Variants in GALNTL6 observed in about 807,000 individuals in gnomAD.
GALNTL6 encodes polypeptide N-acetylgalactosaminyltransferase like 6.
GALNTL6 carries 46 observed loss-of-function variants against 73.7 expected under a neutral mutation model. That is an observed-to-expected ratio of 0.62 (90% CI 0.49 to 0.80). The LOEUF (loss-of-function observed/expected upper bound fraction) is 0.80, where lower values mean the gene tolerates loss of function less well. Ranked by LOEUF, GALNTL6 falls within the 30% of genes least tolerant of loss-of-function variation. GALNTL6 has a pLI of 0.00. For missense variants in GALNTL6, 604 were observed against 755.0 expected, an observed-to-expected ratio of 0.80 and a Z score of 2.34; for synonymous variants, 259 against 263.7, an observed-to-expected ratio of 0.98 and a Z score of 0.17.
At chr4:172,202,564 T>A (rs1735988522) in intron 2 of GALNTL6, among the ~76,000 whole-genome samples, 1 of 152,016 alleles carries the variant, frequency 6.6e-6, no homozygotes, top group Admixed American at 6.6e-5. Flanking sequence ...TTATATTGGG[T>A]AGAAAGATTA....
chr4:172,857,445 C>T (rs1012974486), intron 7 of GALNTL6, among the ~76,000 whole-genome samples: 9 of 152,072 alleles, frequency 5.9e-5, no homozygotes, highest in African/African-American at 2.2e-4. Flanking sequence ...TTGGAAAGAT[C>T]CTGGAAAAAA....
chr4:172,386,175 A>G (rs1450608169), intron 5 of GALNTL6, among the ~76,000 whole-genome samples: 1 of 152,186 alleles, frequency 6.6e-6, no homozygotes, highest in Admixed American at 6.5e-5. Context: ...ATTTACAAAA[A>G]TACATTAATA....
intron 11 of GALNTL6, among the ~76,000 whole-genome samples, chr4:173,013,265 A>C (rs1287178561): frequency 6.6e-6 from 1 of 152,148 alleles, no homozygotes; most frequent in African/African-American, 2.4e-5. Context: ...AGTGGAAAAG[A>C]ACTTTTTTAA....
intron 3 of GALNTL6, among the ~76,000 whole-genome samples, chr4:172,246,020 A>G (rs1040351698): frequency 6.6e-6 from 1 of 152,206 alleles, no homozygotes; most frequent in Non-Finnish European, 1.5e-5. Flanking sequence ...CTGAGATCAT[A>G]CTAATTTAAA....
At chr4:172,195,806 T>G (rs1408070375) in intron 2 of GALNTL6, among the ~76,000 whole-genome samples, 1 of 152,120 alleles carries the variant, frequency 6.6e-6, no homozygotes, top group African/African-American at 2.4e-5. Flanking sequence ...GAGGAAAATT[T>G]ATAGCACTAA....
chr4:172,849,707 A>G (rs1365586539), intron 7 of GALNTL6, among the ~76,000 whole-genome samples: 2 of 152,176 alleles, frequency 1.3e-5, no homozygotes, highest in Admixed American at 6.5e-5. Flanking sequence ...TTAAGTTTTT[A>G]TGTAATAAAA....
chr4:172,302,235 G>A (rs113643107), intron 3 of GALNTL6, among the ~76,000 whole-genome samples: 61,087 of 151,954 alleles, frequency 0.4, 14,823 homozygotes, highest in South Asian at 0.62. Flanking sequence ...GTATTAGGGT[G>A]GGAGTGACCC....
At chr4:172,485,921 C>T (rs337990) in intron 5 of GALNTL6, among the ~76,000 whole-genome samples, 16,576 of 152,162 alleles carry the variant, frequency 0.11, 986 homozygotes, top group East Asian at 0.23. Flanking sequence ...TTTGCACCAA[C>T]GGGACAATTT....
intron 2 of GALNTL6, among the ~76,000 whole-genome samples, chr4:171,918,107 C>T (rs935327533): frequency 2.0e-5 from 3 of 152,044 alleles, no homozygotes; most frequent in East Asian, 3.9e-4. Flanking sequence ...TGCATATCTT[C>T]GTTTTGTTGT....
chr4:172,160,611 A>G (rs1286920571), intron 2 of GALNTL6, among the ~76,000 whole-genome samples: 1 of 152,194 alleles, frequency 6.6e-6, no homozygotes, highest in East Asian at 1.9e-4. Flanking sequence ...CGAAAAAACT[A>G]AGAGAATGGA....
At chr4:171,846,815 G>A (rs1305375877) in intron 2 of GALNTL6, among the ~76,000 whole-genome samples, 2 of 146,324 alleles carry the variant, frequency 1.4e-5, no homozygotes, top group African/African-American at 5.0e-5. Flanking sequence ...TGTCCCTGTA[G>A]ATGTATCTAT....
intron 7 of GALNTL6, among the ~76,000 whole-genome samples, chr4:172,822,223 T>C (rs1741972313): frequency 6.6e-6 from 1 of 152,222 alleles, no homozygotes; most frequent in African/African-American, 2.4e-5. Context: ...TCTTGGTCTC[T>C]TGAGATCTCT....
intron 5 of GALNTL6, among the ~76,000 whole-genome samples, chr4:172,609,899 A>G (rs948225657): frequency 2.0e-5 from 3 of 151,462 alleles, no homozygotes; most frequent in East Asian, 3.9e-4. Context: ...CAGGGATTCA[A>G]TTTTTTTCCT....
intron 2 of GALNTL6, among the ~76,000 whole-genome samples, chr4:172,095,193 A>C (rs1732316365): frequency 1.5e-4 from 1 of 6,644 alleles, no homozygotes; most frequent in African/African-American, 2.4e-4. Flanking sequence ...ATTACTGAAA[A>C]GGCAAATAAA....
chr4:172,150,876 A>G (rs981416517), intron 2 of GALNTL6, among the ~76,000 whole-genome samples: 2 of 152,232 alleles, frequency 1.3e-5, no homozygotes, highest in Admixed American at 1.3e-4. Flanking sequence ...ACTGTGGAAG[A>G]GAGAGTTAAG....
chr4:171,870,946 C>T (rs1736118875), intron 2 of GALNTL6, among the ~76,000 whole-genome samples: 1 of 152,102 alleles, frequency 6.6e-6, no homozygotes, highest in South Asian at 2.1e-4. Flanking sequence ...GTTTAAGCCT[C>T]TCAAATTGTG....
At chr4:172,267,627 G>A (rs1289738718) in intron 3 of GALNTL6, among the ~76,000 whole-genome samples, 1 of 151,808 alleles carries the variant, frequency 6.6e-6, no homozygotes, top group African/African-American at 2.4e-5. Context: ...GTTAACAAAT[G>A]AAAAAAAATT....
chr4:172,755,294 CA>C (rs1737691547), intron 5 of GALNTL6, among the ~76,000 whole-genome samples: 1 of 116,272 alleles, frequency 8.6e-6, no homozygotes, highest in Non-Finnish European at 1.9e-5. Flanking sequence ...GATGCTTTTA[CA>C]AAATACAAAC....
At position 172,468,203 on chromosome 4, in the gene GALNTL6, A is replaced by C. The variant is rs796874117; in HGVS notation, c.553+119514A>C. Among the ~76,000 whole-genome samples the C allele has an allele frequency of 1.2e-4, 19 of 152,154 alleles. No homozygotes were observed. The East Asian group carries it at 2.1e-3, about 17-fold the overall frequency. ...CACTGTACTCAGCCTACATTTCCCA[A>C]TACTGTGATTTAAAATAAGCTGTTG... On this transcript the variant is annotated intron_variant, in intron 5 of 12. Transcript: ENST00000506823.
Sources: gnomAD v4.1 joint callset for allele counts (sites outside exome capture counted in the v4.1 genomes callset) on GRCh38, gnomAD v4.1.1 for gene constraint, MANE v1.5 for transcripts, NCBI Gene and HGNC (gene_info 2026-07-23, HGNC 2026-07-21) for gene names.